PLPPR1: variants seen among roughly 807,000 people sequenced by gnomAD.
The protein encoded by PLPPR1 is phospholipid phosphatase-related protein type 1.
Under a neutral mutation model 33.1 loss-of-function variants are expected in PLPPR1, and 10 were observed. That is an observed-to-expected ratio of 0.30 (90% CI 0.19 to 0.51). PLPPR1 has a LOEUF of 0.51. Among genes scored for constraint, PLPPR1 ranks in the 20% least tolerant of loss-of-function variants. The probability of loss-of-function intolerance (pLI) is 0.97; values close to 1 mark genes in which losing one functional copy is unlikely to be tolerated. For missense variants in PLPPR1, 304 were observed against 408.1 expected, an observed-to-expected ratio of 0.74 and a Z score of 2.20; for synonymous variants, 151 against 151.0, an observed-to-expected ratio of 1.00 and a Z score of 0.00.
chr9:101,073,937 T>A (rs1162062506), intron 1 of PLPPR1, among the ~76,000 whole-genome samples: 1 of 152,136 alleles, frequency 6.6e-6, no homozygotes, highest in African/African-American at 2.4e-5. Context: ...GTGATGATAT[T>A]CCAAGCACAT....
At chr9:101,218,138 A>G (rs1202360974) in intron 2 of PLPPR1, among the ~76,000 whole-genome samples, 7 of 152,284 alleles carry the variant, frequency 4.6e-5, no homozygotes, top group Non-Finnish European at 7.4e-5. Context: ...CGATCTATCA[A>G]TTTTATGGAA....
At position 101,309,193 on chromosome 9, in the gene PLPPR1, T is replaced by C; in HGVS notation, c.386-18T>C. 2 of 1,613,802 alleles carry C rather than the reference T, an allele frequency of 1.2e-6. No individual in the cohort carries two copies. Among genetic ancestry groups the C allele is most frequent in the Non-Finnish European group, 1.7e-6 (2 of 1,179,800 alleles). On this transcript the variant is annotated intron_variant, in intron 4 of 7. Transcript: ENST00000374874. ...CAGAGTATGTTACCATTCCTAATGA[T>C]TTTAAATCTTCTTATAGGGGTGTTT...
chr9:101,081,531 C>A (rs968071055), intron 1 of PLPPR1, among the ~76,000 whole-genome samples: 1 of 152,118 alleles, frequency 6.6e-6, no homozygotes, highest in Non-Finnish European at 1.5e-5. Flanking sequence ...ATCAGAAATG[C>A]CTTCCAATCT....
intron 1 of PLPPR1, 77 bp from the exon 2 acceptor site, chr9:101,185,373 G>T (rs531610770): frequency 1.8e-6 from 1 of 546,564 alleles, no homozygotes; most frequent in African/African-American, 2.0e-5. Flanking sequence ...ATATCTAGTA[G>T]CTGATATTTT....
intron 2 of PLPPR1, among the ~76,000 whole-genome samples, chr9:101,228,853 A>G (rs1215192057): frequency 2.0e-5 from 3 of 152,164 alleles, no homozygotes; most frequent in Non-Finnish European, 4.4e-5. Context: ...GAGAAGACCA[A>G]TAGGAAGTTA....
At chr9:101,112,022 A>T (rs1831063311) in intron 1 of PLPPR1, among the ~76,000 whole-genome samples, 1 of 152,234 alleles carries the variant, frequency 6.6e-6, no homozygotes, top group Non-Finnish European at 1.5e-5. Flanking sequence ...ATTGAAGTTC[A>T]GAGGATCATT....
Position 101,309,268 on chromosome 9 carries a change from T to G in PLPPR1, c.443T>G (p.Val148Gly). 1 of 1,614,124 alleles carries G rather than the reference T, an allele frequency of 6.2e-7. No homozygotes were observed. The change falls in exon 5 of 8, where the codon GTC (valine) becomes GGC (glycine). Residue 148 changes from valine to glycine, a missense_variant. Physicochemically the swap from Val to Gly is moderately radical, Grantham distance 109. Transcript: ENST00000374874. ...ATTTTTGTAAACGCCGGACAAGTGG[T>G]CACTGGGCACTTAACGCCATACTTC... is the stretch of plus-strand genomic sequence containing the variant. ...TDIFVNAGQVVTGHLTPYFLT... is the reference protein window; with the variant it reads ...TDIFVNAGQVGTGHLTPYFLT...
chr9:101,168,604 C>A (rs1052372079), intron 1 of PLPPR1, among the ~76,000 whole-genome samples: 2 of 152,142 alleles, frequency 1.3e-5, no homozygotes, highest in East Asian at 3.9e-4. Flanking sequence ...AAGCTACCTG[C>A]TGTCAATGAC....
At chr9:101,078,086 G>GAA (rs1830562163) in intron 1 of PLPPR1, among the ~76,000 whole-genome samples, 4 of 75,462 alleles carry the variant, frequency 5.3e-5, no homozygotes, top group East Asian at 4.4e-4. Flanking sequence ...GAATGGAGGA[G>GAA]GAGGAGAAGG....
chr9:101,192,900 G>C (rs1398185990), intron 2 of PLPPR1, among the ~76,000 whole-genome samples: 1 of 152,140 alleles, frequency 6.6e-6, no homozygotes, highest in East Asian at 1.9e-4. Context: ...AACATCATTT[G>C]ACTAGTGTTT....
chr9:101,289,657 G>A lies in PLPPR1; in HGVS notation c.385+3421G>A, dbSNP rs772497535. ...TTTTATCAGGGGTTTCTGCTTTTGC[G>A]TCTTCCTCATTTTCTCTCTTTGCCC... is the stretch of plus-strand genomic sequence containing the variant. On this transcript the variant is annotated intron_variant, in intron 4 of 7. Transcript: ENST00000374874. Among the ~76,000 whole-genome samples, 50 of 152,136 alleles carry A rather than the reference G, an allele frequency of 3.3e-4. 1 individual carries two copies. Among genetic ancestry groups the A allele is most frequent in the African/African-American group, 5.6e-4 (23 of 41,426 alleles).
At chr9:101,278,891 G>A (rs547108593) in intron 3 of PLPPR1, among the ~76,000 whole-genome samples, 17 of 152,332 alleles carry the variant, frequency 1.1e-4, no homozygotes, top group African/African-American at 3.6e-4. Context: ...GTGACCCTGC[G>A]ATTCAGAACC....
At chr9:101,048,744 G>A (rs999497447) in intron 1 of PLPPR1, among the ~76,000 whole-genome samples, 6 of 152,154 alleles carry the variant, frequency 3.9e-5, no homozygotes, top group African/African-American at 1.4e-4. Context: ...CAAATCCTCA[G>A]AGGTCAGGAA....
At chr9:101,319,046 A>G (rs756302468) in intron 7 of PLPPR1, among the ~76,000 whole-genome samples, 8 of 152,202 alleles carry the variant, frequency 5.3e-5, no homozygotes, top group Middle Eastern at 3.4e-3. Context: ...TATAGAAGAT[A>G]TAAAAGATAA....
chr9:101,117,428 G>T (rs1487601635), intron 1 of PLPPR1, among the ~76,000 whole-genome samples: 1 of 152,108 alleles, frequency 6.6e-6, no homozygotes, highest in Non-Finnish European at 1.5e-5. Context: ...GTTTATAAAT[G>T]GCATGGCAAT....
At chr9:101,084,297 A>T (rs1180258219) in intron 1 of PLPPR1, among the ~76,000 whole-genome samples, 2 of 152,204 alleles carry the variant, frequency 1.3e-5, no homozygotes, top group Non-Finnish European at 2.9e-5. Flanking sequence ...AATTCCTACC[A>T]GTGATACTAA....
chr9:101,207,049 A>G (rs1826601301), intron 2 of PLPPR1, among the ~76,000 whole-genome samples: 1 of 152,218 alleles, frequency 6.6e-6, no homozygotes, highest in Admixed American at 6.5e-5. Flanking sequence ...TGTGATTTGC[A>G]TTATCCTATT....
intron 1 of PLPPR1, among the ~76,000 whole-genome samples, chr9:101,153,902 G>T (rs1831636654): frequency 6.6e-6 from 1 of 152,102 alleles, no homozygotes; most frequent in Non-Finnish European, 1.5e-5. Context: ...CTAATTTATT[G>T]AGAGTTTTTA....
At chr9:101,031,149 C>T (rs960778599) in intron 1 of PLPPR1, among the ~76,000 whole-genome samples, 1 of 152,066 alleles carries the variant, frequency 6.6e-6, no homozygotes, top group Non-Finnish European at 1.5e-5. Context: ...CAGCATATGT[C>T]CTTTTTATCC....
Sources: allele counts gnomAD v4.1 joint callset (sites outside exome capture counted in the v4.1 genomes callset), GRCh38; gene constraint gnomAD v4.1.1; transcripts MANE v1.5; gene names NCBI Gene and HGNC (gene_info 2026-07-23, HGNC 2026-07-21).